LOXL1: variants seen among roughly 807,000 people sequenced by gnomAD.
The protein encoded by LOXL1 is lysyl oxidase like 1, also known as lysyl oxidase homolog 1.
LOXL1 carries 31 observed loss-of-function variants against 62.2 expected under a neutral mutation model. The observed-to-expected ratio is 0.50, with a 90% CI of 0.37 to 0.67. The LOEUF (loss-of-function observed/expected upper bound fraction) is 0.67, where lower values mean the gene tolerates loss of function less well. Ranked by LOEUF, LOXL1 falls within the 30% of genes least tolerant of loss-of-function variation. The pLI is 0.00. For synonymous variants in LOXL1, 403 were observed against 384.4 expected (o/e 1.05, Z -0.56); for missense variants, 775 against 843.4 (o/e 0.92, Z 1.00).
intron 6 of LOXL1, among the ~76,000 whole-genome samples, chr15:73,951,608 G>A (rs2068787588): frequency 6.6e-6 from 1 of 152,208 alleles, no homozygotes; most frequent in South Asian, 2.1e-4. Context: ...CTAGGGCATG[G>A]GGAGGGGAAT....
chr15:73,948,199 G>A (rs2068761157), intron 5 of LOXL1, among the ~76,000 whole-genome samples: 1 of 152,222 alleles, frequency 6.6e-6, no homozygotes, highest in African/African-American at 2.4e-5. Context: ...GAGCAAGAAA[G>A]ACTTGGAGAG....
At chr15:73,944,908 A>C (rs1005238433) in intron 2 of LOXL1, among the ~76,000 whole-genome samples, 3 of 152,154 alleles carry the variant, frequency 2.0e-5, no homozygotes, top group African/African-American at 4.8e-5. Context: ...ACATTCTCTC[A>C]AAGAGAGCGC....
At chr15:73,927,950 C>A (rs1193953337) in intron 1 of LOXL1, 65 bp downstream of exon 1, 3 of 1,258,362 alleles carry the variant, frequency 2.4e-6, no homozygotes, top group Non-Finnish European at 3.0e-6. Context: ...TGCTCCGGGC[C>A]CCCCGGGCCC....
intron 1 of LOXL1, among the ~76,000 whole-genome samples, chr15:73,942,248 G>T (rs766309291): frequency 7.2e-5 from 11 of 152,056 alleles, no homozygotes; most frequent in Non-Finnish European, 1.5e-4. Flanking sequence ...CCTGCTCTGG[G>T]GAAGTGTTTT....
rs2068594555 is a variant in LOXL1 at position 73,927,539 on chromosome 15, C to T, written c.756C>T (p.Tyr252=). 6.7e-7 allele frequency: 1 copy of T among 1,497,568 alleles called. No individual in the cohort carries two copies. Among genetic ancestry groups the T allele is most frequent in the African/African-American group, 1.5e-5 (1 of 68,884 alleles). 92.8% of individuals were successfully genotyped at this position (1,497,568 alleles called of 1,614,324 possible). A position where few individuals can be genotyped will look rare whatever the true frequency, so the allele number is the denominator to read the frequency against. Residue 252 remains tyrosine (Y), a synonymous_variant, in exon 1 of 7, where the codon TAC becomes TAT. Transcript: ENST00000261921. ...CCGAGTACCCGCCTCAGGGCTTCTA[C>T]CCGGCCCCCGAGAGGCCCTACGTGC... The part of the protein sequence containing the change: ...ELPEYPPQGF[Y]PAPERPYVPP...
intron 1 of LOXL1, among the ~76,000 whole-genome samples, chr15:73,939,117 C>T (rs969112893): frequency 2.0e-5 from 3 of 152,180 alleles, no homozygotes; most frequent in African/African-American, 7.2e-5. Flanking sequence ...TAGCCCCCAA[C>T]TCAATCAACC....
At position 73,927,825 on chromosome 15, in the gene LOXL1, G is replaced by A. The variant is rs1408365979; in HGVS notation, c.1042G>A (p.Gly348Ser). 6 of 1,357,744 alleles carry A rather than the reference G, an allele frequency of 4.4e-6. No individual in the cohort carries two copies. The highest frequency in any genetic ancestry group is 3.8e-6 in the Non-Finnish European group (4 of 1,063,894). 84.1% of individuals were successfully genotyped at this position (1,357,744 alleles called of 1,614,324 possible). The change falls in exon 1 of 7, where the codon GGC becomes AGC. Residue 348 changes from glycine (G) to serine (S), a missense_variant. Coordinates refer to ENST00000261921, the MANE Select transcript of LOXL1 (RefSeq NM_005576.4). ...DTPPPGGERN[G>S]AQQGRLSVGS... The stretch of plus-strand genomic sequence containing the variant: ...GCCCCCGCCGGGTGGGGAGCGGAAC[G>A]GCGCGCAGCAGGGCCGCCTCAGCGT...
In LOXL1 at chr15:73,951,916, C is replaced by A; in HGVS notation, c.*79C>A. 7.5e-7 allele frequency: 1 copy of A among 1,336,988 alleles called. No individual in the cohort carries two copies. Among genetic ancestry groups the A allele is most frequent in the Non-Finnish European group, 9.8e-7 (1 of 1,020,112 alleles). 82.8% of individuals were successfully genotyped at this position (1,336,988 alleles called of 1,614,324 possible). Reference sequence around the variant, plus strand: ...CCCGGGCAGCCTCCCGCCGAGGGGCCCAGCCCCCAACCCACAGGCACGGAG... The same window carrying A: ...CCCGGGCAGCCTCCCGCCGAGGGGCACAGCCCCCAACCCACAGGCACGGAG... On this transcript the variant is annotated 3_prime_UTR_variant, in exon 7 of 7. Coordinates refer to ENST00000261921, the MANE Select transcript of LOXL1 (RefSeq NM_005576.4).
At chr15:73,947,045 T>C in intron 3 of LOXL1, 22 bp from the exon 4 acceptor site, 1 of 1,568,358 alleles carries the variant, frequency 6.4e-7, no homozygotes, top group Admixed American at 1.8e-5. Flanking sequence ...CTCTTCTTTC[T>C]CCTTCTCTCC....
chr15:73,951,177 G>A (rs1693518715), intron 6 of LOXL1, among the ~76,000 whole-genome samples: 1 of 152,212 alleles, frequency 6.6e-6, no homozygotes, highest in Admixed American at 6.5e-5. Flanking sequence ...TGGGAAAGGG[G>A]GATGGGAACA....
chr15:73,934,696 A>G (rs2028387), intron 1 of LOXL1, among the ~76,000 whole-genome samples: 1 of 152,096 alleles, frequency 6.6e-6, no homozygotes, highest in East Asian at 1.9e-4. Context: ...TCGTGAAAAG[A>G]AAGAGACAAA....
chr15:73,928,906 C>T (rs1164038650), intron 1 of LOXL1, among the ~76,000 whole-genome samples: 1 of 151,866 alleles, frequency 6.6e-6, no homozygotes, highest in Admixed American at 6.6e-5. Context: ...CCTCATTCCC[C>T]TCACCCTAGT....
intron 5 of LOXL1, 57 bp from the exon 6 acceptor site, chr15:73,949,402 T>G: frequency 1.0e-6 from 1 of 984,974 alleles, no homozygotes; most frequent in East Asian, 2.4e-5. Context: ...TGGTGAGCAG[T>G]TGAGGTGCAG....
At chr15:73,938,323 A>C (rs1006353260) in intron 1 of LOXL1, among the ~76,000 whole-genome samples, 6 of 61,058 alleles carry the variant, frequency 9.8e-5, no homozygotes, top group East Asian at 5.3e-4. Context: ...ATCTAGGTAG[A>C]TAGATAGAAC....
chr15:73,949,497 C>T lies in LOXL1; in HGVS notation c.1641C>T (p.Asp547=), dbSNP rs779226417. The T allele has an allele frequency of 1.9e-6, 3 of 1,613,860 alleles. No individual in the cohort carries two copies. The highest frequency in any genetic ancestry group is 2.5e-6 in the Non-Finnish European group (3 of 1,179,736). ...CAAAGTATATTGTTTTGGAGTCTGA[C>T]TTCACCAACAACGTGGTGAGATGCA... The part of the protein sequence containing the change: ...VNPKYIVLES[D]FTNNVVRCNI... Residue 547 remains aspartate, a synonymous_variant, in exon 6 of 7, where the codon GAC becomes GAT. Coordinates refer to ENST00000261921, the MANE Select transcript of LOXL1 (RefSeq NM_005576.4).
At chr15:73,938,321 A>ATC (rs1361272101) in intron 1 of LOXL1, among the ~76,000 whole-genome samples, 273 of 151,930 alleles carry the variant, frequency 1.8e-3, no homozygotes, top group African/African-American at 6.0e-3. Flanking sequence ...CTATCTAGGT[A>ATC]GATAGATAGA....
chr15:73,928,379 G>C (rs1053827023), intron 1 of LOXL1: 5 of 152,932 alleles, frequency 3.3e-5, no homozygotes, highest in African/African-American at 1.2e-4. Context: ...GTGGCAGGCT[G>C]CCCATTACTG....
In LOXL1 at chr15:73,926,530, G is replaced by C; in HGVS notation, c.-254G>C. ...GGCTGGCCATGTAAGGCCCACAGGC[G>C]GTCCTGCCCGCCCGGTGCCCTGCGG... On this transcript the variant is annotated 5_prime_UTR_variant, in exon 1 of 7. Coordinates refer to ENST00000261921, the MANE Select transcript of LOXL1 (RefSeq NM_005576.4). The C allele has an allele frequency of 2.6e-6, 1 of 384,834 alleles. No individual in the cohort carries two copies. Among genetic ancestry groups the C allele is most frequent in the Non-Finnish European group, 4.6e-6 (1 of 218,048 alleles). 23.8% of individuals were successfully genotyped at this position (384,834 alleles called of 1,614,324 possible).
At chr15:73,942,994 G>A (rs1377845039) in intron 2 of LOXL1, 32 bp downstream of exon 2, 1 of 1,554,796 alleles carries the variant, frequency 6.4e-7, no homozygotes, top group Non-Finnish European at 8.9e-7. Context: ...GTAGAGTGTT[G>A]GGATAGTCCC....
Sources: gnomAD v4.1 joint callset for allele counts (sites outside exome capture counted in the v4.1 genomes callset) on GRCh38, gnomAD v4.1.1 for gene constraint, MANE v1.5 for transcripts, NCBI Gene and HGNC (gene_info 2026-07-23, HGNC 2026-07-21) for gene names.